SYN3: variants seen among roughly 807,000 people sequenced by gnomAD.
SYN3 encodes synapsin-3.
SYN3 carries 35 observed loss-of-function variants against 65.8 expected under a neutral mutation model. The observed-to-expected ratio is 0.53, with a 90% CI of 0.41 to 0.70. The LOEUF (loss-of-function observed/expected upper bound fraction) is 0.70. SYN3 is among the 30% of genes least tolerant of loss of function. The pLI, the probability that SYN3 is intolerant of heterozygous loss-of-function variation, is 0.00. For synonymous variants in SYN3, 270 were observed against 292.9 expected, an observed-to-expected ratio of 0.92 and a Z score of 0.80; for missense variants, 680 against 749.0, an observed-to-expected ratio of 0.91 and a Z score of 1.08.
intron 3 of SYN3, among the ~76,000 whole-genome samples, chr22:32,976,997 G>A (rs241727): frequency 5.4e-5 from 8 of 147,814 alleles, no homozygotes; most frequent in East Asian, 1.9e-4. Context: ...AGATTCCTGG[G>A]GGGGGGGTTG....
chr22:32,735,247 G>A (rs566162795), intron 6 of SYN3, among the ~76,000 whole-genome samples: 1 of 152,164 alleles, frequency 6.6e-6, no homozygotes. Flanking sequence ...GAGACTTTGG[G>A]TAAATAACTC....
At chr22:32,994,001 G>T (rs950220245) in intron 2 of SYN3, among the ~76,000 whole-genome samples, 3 of 152,148 alleles carry the variant, frequency 2.0e-5, no homozygotes, top group Non-Finnish European at 4.4e-5. Flanking sequence ...CCACTAGGGC[G>T]GGGGTAACAA....
chr22:33,009,692 C>T (rs2053298392), intron 1 of SYN3, among the ~76,000 whole-genome samples: 1 of 151,186 alleles, frequency 6.6e-6, no homozygotes, highest in Non-Finnish European at 1.5e-5. Flanking sequence ...GATGAGACCA[C>T]ACTTCTGTAT....
At chr22:32,807,310 A>G (rs1320008316) in intron 6 of SYN3, among the ~76,000 whole-genome samples, 2 of 123,136 alleles carry the variant, frequency 1.6e-5, no homozygotes, top group East Asian at 2.1e-4. Flanking sequence ...ATATATAAAT[A>G]TATAATATAT....
At chr22:33,008,924 C>CAAAAAAAAAAAAAAA (rs201719238) in intron 1 of SYN3, among the ~76,000 whole-genome samples, 10 of 57,094 alleles carry the variant, frequency 1.8e-4, no homozygotes, top group African/African-American at 5.2e-4. Flanking sequence ...GACTTTATCT[C>CAAAAAAAAAAAAAAA]AAAAAAAAAA....
chr22:32,647,316 G>A (rs2059997752), intron 6 of SYN3, among the ~76,000 whole-genome samples: 1 of 152,268 alleles, frequency 6.6e-6, no homozygotes, highest in East Asian at 1.9e-4. Flanking sequence ...AGGCATATGA[G>A]GTAGGGACAG....
chr22:32,795,240 T>C (rs984322088), intron 6 of SYN3, among the ~76,000 whole-genome samples: 5 of 152,174 alleles, frequency 3.3e-5, no homozygotes, highest in African/African-American at 1.2e-4. Context: ...CAATGCAAAG[T>C]TGAAGTTGAT....
chr22:32,828,111 AGATACTT>A (rs1369952539), intron 6 of SYN3, among the ~76,000 whole-genome samples: 1 of 152,230 alleles, frequency 6.6e-6, no homozygotes, highest in Non-Finnish European at 1.5e-5. Context: ...ACCATCTAGA[AGATACTT>A]GAAACTCTAA....
At chr22:32,712,972 TG>T (rs1161452572) in intron 6 of SYN3, among the ~76,000 whole-genome samples, 1 of 152,200 alleles carries the variant, frequency 6.6e-6, no homozygotes, top group African/African-American at 2.4e-5. Context: ...CTTATTCATT[TG>T]CTTTTAGATT....
At chr22:32,516,284 T>A (rs553919052) in intron 13 of SYN3, among the ~76,000 whole-genome samples, 1 of 152,222 alleles carries the variant, frequency 6.6e-6, no homozygotes, top group East Asian at 1.9e-4. Flanking sequence ...TTTCTGGGGA[T>A]GGGGGTAGCA....
intron 4 of SYN3, among the ~76,000 whole-genome samples, chr22:32,880,326 C>G (rs137498): frequency 0.56 from 85,328 of 152,106 alleles, 24,683 homozygotes; most frequent in African/African-American, 0.64. Flanking sequence ...TGGAGGGAGT[C>G]CTCTTCAGGA....
chr22:32,618,659 C>T (rs1890201221), intron 6 of SYN3, among the ~76,000 whole-genome samples: 1 of 152,160 alleles, frequency 6.6e-6, no homozygotes, highest in Non-Finnish European at 1.5e-5. Flanking sequence ...GGCTGCCAAG[C>T]TCCTAAATCA....
Position 32,747,085 on chromosome 22 carries a change from C to T in SYN3, c.711+117830G>A, listed in dbSNP as rs1192032247. 2.6e-5 allele frequency among the ~76,000 whole-genome samples: 4 copies of T among 152,314 alleles called. No homozygotes were observed. The South Asian group carries it at 6.2e-4, about 24-fold the overall frequency. ...CCTCAACACAATGGCTAGCATTTCT[C>T]CTGCATTTTCTACTTTACATAATAT... On this transcript the variant is annotated intron_variant, in intron 6 of 13. Coordinates refer to ENST00000358763, the MANE Select transcript of SYN3 (RefSeq NM_003490.4).
chr22:32,519,143 G>GC lies in SYN3; in HGVS notation c.1319-810dup, dbSNP rs541400412. 9.9e-5 allele frequency among the ~76,000 whole-genome samples: 15 copies of GC among 152,036 alleles called. No homozygotes were observed. In the East Asian group the frequency reaches 1.2e-3, roughly 12 times the overall value. ...GTGAAAAAAACATCTGTTGTTTAAG[G>GC]CCCCCCCAGTCTATGGCATTTTGTT... On this transcript the variant is annotated intron_variant, in intron 12 of 13. Coordinates refer to ENST00000358763, the MANE Select transcript of SYN3 (RefSeq NM_003490.4).
intron 6 of SYN3, among the ~76,000 whole-genome samples, chr22:32,847,669 G>T (rs2283883): frequency 0.19 from 28,718 of 152,100 alleles, 3,003 homozygotes; most frequent in East Asian, 0.4. Flanking sequence ...AATGAGGAAG[G>T]ATAATGGAGC....
At chr22:32,735,281 T>C (rs571145639) in intron 6 of SYN3, among the ~76,000 whole-genome samples, 16 of 152,288 alleles carry the variant, frequency 1.1e-4, no homozygotes, top group Admixed American at 3.3e-4. Flanking sequence ...CCTAATTTCC[T>C]CATCAGCAAG....
At chr22:32,740,664 C>G (rs1293160424) in intron 6 of SYN3, among the ~76,000 whole-genome samples, 2 of 152,170 alleles carry the variant, frequency 1.3e-5, no homozygotes, top group Non-Finnish European at 2.9e-5. Context: ...TGAGGAAAGA[C>G]TGAAAGTTAA....
Position 33,013,883 on chromosome 22 carries a change from T to C in SYN3, c.-162-7059A>G, listed in dbSNP as rs372521407. On this transcript the variant is annotated intron_variant, in intron 1 of 13. Coordinates refer to ENST00000358763, the MANE Select transcript of SYN3 (RefSeq NM_003490.4). The stretch of plus-strand genomic sequence containing the variant: ...ATGTTCTTCAAGTTCATCCATGTTG[T>C]AGCAAATAGCAGAATTTTCCCCTCC... Among the ~76,000 whole-genome samples, 7 of 152,094 alleles carry C rather than the reference T, an allele frequency of 4.6e-5. No individual in the cohort carries two copies. The East Asian group carries it at 9.6e-4, about 21-fold the overall frequency.
intron 6 of SYN3, among the ~76,000 whole-genome samples, chr22:32,639,921 G>A (rs1032545918): frequency 2.6e-5 from 4 of 152,172 alleles, no homozygotes; most frequent in Non-Finnish European, 4.4e-5. Flanking sequence ...GCTATTGGAT[G>A]TTATAAAGTC....
Sources: allele counts gnomAD v4.1 joint callset (sites outside exome capture counted in the v4.1 genomes callset), GRCh38; gene constraint gnomAD v4.1.1; transcripts MANE v1.5; gene names NCBI Gene and HGNC (gene_info 2026-07-23, HGNC 2026-07-21).